Variants in CLCA4 observed in about 807,000 individuals in gnomAD.
The protein encoded by CLCA4 is chloride channel accessory 4, also known as calcium-activated chloride channel regulator 4.
In CLCA4, 69 loss-of-function variants were observed where a neutral mutation model predicts 78.9. That is an observed-to-expected ratio of 0.87 (90% confidence interval 0.72 to 1.07). The LOEUF is 1.07. Ranked by LOEUF, CLCA4 falls within the 50% of genes least tolerant of loss-of-function variation. The pLI, the probability that CLCA4 is intolerant of heterozygous loss-of-function variation, is 0.00. For missense variants in CLCA4, 1,133 were observed against 1,095.8 expected (o/e 1.03, Z -0.48); for synonymous variants, 362 against 375.8 (o/e 0.96, Z 0.42).
In CLCA4 at chr1:86,559,978, A is replaced by G. The variant is rs1346520810; in HGVS notation, c.206A>G (p.Lys69Arg). 1 of 1,609,008 alleles carries G rather than the reference A, an allele frequency of 6.2e-7. No individual in the cohort carries two copies. Among genetic ancestry groups the G allele is most frequent in the Non-Finnish European group, 8.5e-7 (1 of 1,178,096 alleles). The stretch of plus-strand genomic sequence containing the variant: ...ACGTACCTGTTTGAAGCCACAGAAA[A>G]AAGATTTTTTTTCAAAAATGTATCT... ...ASTYLFEATE[K>R]RFFFKNVSIL... The change falls in exon 2 of 14, where the codon AAA becomes AGA. Residue 69 changes from lysine to arginine, a missense_variant. Coordinates refer to ENST00000370563, the MANE Select transcript of CLCA4 (RefSeq NM_012128.4).
intron 1 of CLCA4, 130 bp downstream of exon 1, chr1:86,547,408 A>T: frequency 1.5e-6 from 1 of 652,764 alleles, no homozygotes; most frequent in Non-Finnish European, 2.4e-6. Flanking sequence ...TGTAAAGATC[A>T]AATCAGGGTA....
intron 1 of CLCA4, among the ~76,000 whole-genome samples, chr1:86,558,961 T>C (rs1212161429): frequency 2.6e-5 from 4 of 152,128 alleles, no homozygotes; most frequent in Admixed American, 6.5e-5. Flanking sequence ...CTTTCCTCTC[T>C]AGCTGCCTTT....
Position 86,567,517 on chromosome 1 carries a change from G to C in CLCA4, c.1048G>C (p.Asp350His). ...ATCCTGGGTGGGGATGGTTCACTTT[G>C]ATAGTACTGCCACTATTGTAAATAA... ...NGSWVGMVHF[D>H]STATIVNKLI... Residue 350 changes from aspartate (D) to histidine (H), a missense_variant, in exon 7 of 14, where the codon GAT becomes CAT. Transcript: ENST00000370563. The C allele has an allele frequency of 6.2e-7, 1 of 1,613,192 alleles. No homozygotes were observed. The highest frequency in any genetic ancestry group is 1.3e-5 in the African/African-American group (1 of 74,978).
Position 86,580,433 on chromosome 1 carries a change from T to C in CLCA4, c.*88T>C. 1 of 1,040,080 alleles carries C rather than the reference T, an allele frequency of 9.6e-7. No homozygotes were observed. The highest frequency in any genetic ancestry group is 2.6e-5 in the East Asian group (1 of 38,308). The allele number at this position is 1,040,080 out of a possible 1,614,324, so 64.4% of individuals were successfully genotyped here. Reference sequence around the variant, plus strand: ...GTAAGTAAAGGATATTTCTGAATCTTAAAATTCATCCCATGTGTGATCATA... The same window carrying C: ...GTAAGTAAAGGATATTTCTGAATCTCAAAATTCATCCCATGTGTGATCATA... On this transcript the variant is annotated 3_prime_UTR_variant, in exon 14 of 14. Coordinates refer to ENST00000370563, the MANE Select transcript of CLCA4 (RefSeq NM_012128.4).
chr1:86,575,404 G>GCAGCAAAT lies in CLCA4; in HGVS notation c.1757_1764dup (p.Ser589GlnfsTer11). ...ATTAACTATTACAGTAACTTCTCGA[G>GCAGCAAAT]CAGCAAATTCTTCTGTGCCTCCAAT... On this transcript the variant is annotated frameshift_variant, in exon 11 of 14. Transcript: ENST00000370563. LOFTEE classifies it high-confidence loss of function. The GCAGCAAAT allele has an allele frequency of 6.2e-7, 1 of 1,613,340 alleles. No individual in the cohort carries two copies. The highest frequency in any genetic ancestry group is 8.5e-7 in the Non-Finnish European group (1 of 1,179,500).
intron 1 of CLCA4, among the ~76,000 whole-genome samples, chr1:86,547,549 T>C (rs913415918): frequency 6.6e-6 from 1 of 152,194 alleles, no homozygotes; most frequent in Non-Finnish European, 1.5e-5. Context: ...TACTATCAAA[T>C]ACTAGAACTT....
At chr1:86,566,750 A>T (rs1307150419) in intron 6 of CLCA4, among the ~76,000 whole-genome samples, 2 of 152,040 alleles carry the variant, frequency 1.3e-5, no homozygotes, top group Non-Finnish European at 2.9e-5. Context: ...AACACAGATC[A>T]GTAGGGTGAT....
rs1046677579 is a variant in CLCA4, at chr1:86,574,645, A to G, written c.1573A>G (p.Ser525Gly). 9.9e-6 allele frequency: 16 copies of G among 1,613,154 alleles called. No individual in the cohort carries two copies. Among genetic ancestry groups the G allele is most frequent in the Non-Finnish European group, 1.4e-5 (16 of 1,179,458 alleles). The change falls in exon 10 of 14, where the codon AGT (serine) becomes GGT (glycine). Residue 525 changes from serine (S) to glycine (G), a missense_variant. Coordinates refer to ENST00000370563, the MANE Select transcript of CLCA4 (RefSeq NM_012128.4). ...CACGTTCTTTCTCATCACATGGAAC[A>G]GTCTGCCTCCCAGTATTTCTCTCTG... Reference protein sequence around the residue: ...KDTFFLITWNSLPPSISLWDP... With the variant: ...KDTFFLITWNGLPPSISLWDP...
Position 86,579,549 on chromosome 1 carries a change from C to A in CLCA4, c.2318C>A (p.Thr773Lys). 1.9e-6 allele frequency: 3 copies of A among 1,611,864 alleles called. No individual in the cohort carries two copies. Among genetic ancestry groups the A allele is most frequent in the Non-Finnish European group, 2.5e-6 (3 of 1,178,758 alleles). ...GTTCATGAGGATAAGATTATTCTTA[C>A]ATGGACAGCACCAGGAGATAATTTT... ...ATVHEDKIIL[T>K]WTAPGDNFDV... The change falls in exon 13 of 14, where the codon ACA (threonine) becomes AAA (lysine). Residue 773 changes from threonine (T) to lysine (K), a missense_variant. By Grantham distance (78) the Thr-to-Lys change is moderately conservative (BLOSUM62 -1). Transcript: ENST00000370563.
intron 8 of CLCA4, 112 bp downstream of exon 8, chr1:86,571,366 C>G (rs1650346895): frequency 9.9e-7 from 1 of 1,011,684 alleles, no homozygotes; most frequent in Non-Finnish European, 1.4e-6. Flanking sequence ...AAGCTGGGGA[C>G]CAGACCCAAT....
intron 1 of CLCA4, among the ~76,000 whole-genome samples, chr1:86,557,683 T>C (rs965564989): frequency 6.6e-6 from 1 of 152,226 alleles, no homozygotes; most frequent in African/African-American, 2.4e-5. Context: ...GAAGAATGTA[T>C]ATTCTGTTGT....
chr1:86,552,927 C>CG (rs1649710044), intron 1 of CLCA4: 1 of 654,974 alleles, frequency 1.5e-6, no homozygotes, highest in Non-Finnish European at 2.8e-6. Flanking sequence ...CCTCCCTCTG[C>CG]GGGTGCCTCG....
intron 7 of CLCA4, among the ~76,000 whole-genome samples, chr1:86,569,139 G>C (rs1171263529): frequency 6.6e-6 from 1 of 151,964 alleles, no homozygotes; most frequent in Non-Finnish European, 1.5e-5. Flanking sequence ...ATAAATACAA[G>C]AATTGCAGAT....
At position 86,580,109 on chromosome 1, in the gene CLCA4, T is replaced by C; in HGVS notation, c.2524T>C (p.Phe842Leu). ...NISEENATHI[F>L]IAIKSIDKSN... is the part of the protein sequence containing the mutation. ...CTCAGAAGAAAATGCAACCCACATATTTATTGCCATTAAAAGTATAGATAA... is the reference window on the plus strand; with the variant it reads ...CTCAGAAGAAAATGCAACCCACATACTTATTGCCATTAAAAGTATAGATAA... The change falls in exon 14 of 14, where the codon TTT becomes CTT. Residue 842 changes from phenylalanine to leucine, a missense_variant. Coordinates refer to ENST00000370563, the MANE Select transcript of CLCA4 (RefSeq NM_012128.4). The C allele has an allele frequency of 6.2e-7, 1 of 1,612,878 alleles. No homozygotes were observed. Among genetic ancestry groups the C allele is most frequent in the South Asian group, 1.1e-5 (1 of 91,006 alleles).
intron 1 of CLCA4, among the ~76,000 whole-genome samples, chr1:86,556,241 T>C (rs1029836966): frequency 2.0e-5 from 3 of 152,168 alleles, no homozygotes; most frequent in Admixed American, 2.0e-4. Flanking sequence ...AATATTAAGT[T>C]GAATAGGAGT....
intron 7 of CLCA4, among the ~76,000 whole-genome samples, chr1:86,570,790 T>C (rs1264945441): frequency 1.3e-5 from 2 of 152,084 alleles, no homozygotes; most frequent in Non-Finnish European, 2.9e-5. Context: ...TTGACCTGAG[T>C]TTCCCAGGTT....
At chr1:86,570,701 T>A (rs1016527014) in intron 7 of CLCA4, among the ~76,000 whole-genome samples, 11 of 152,080 alleles carry the variant, frequency 7.2e-5, no homozygotes, top group Non-Finnish European at 1.0e-4. Context: ...TGAAGGCTTG[T>A]CTGTCAGAAG....
At chr1:86,561,631 C>T (rs1650021533) in intron 3 of CLCA4, among the ~76,000 whole-genome samples, 1 of 152,110 alleles carries the variant, frequency 6.6e-6, no homozygotes, top group Non-Finnish European at 1.5e-5. Flanking sequence ...AATTAATGTC[C>T]TGATTGATAA....
Position 86,580,211 on chromosome 1 carries a change from G to A in CLCA4, c.2626G>A (p.Asp876Asn), listed in dbSNP as rs771617728. The change falls in exon 14 of 14, where the codon GAT (aspartate) becomes AAT (asparagine). Residue 876 changes from aspartate (D) to asparagine (N), a missense_variant. Physicochemically the swap from Asp to Asn is conservative, Grantham distance 23 (BLOSUM62 1). Coordinates refer to ENST00000370563, the MANE Select transcript of CLCA4 (RefSeq NM_012128.4). The stretch of plus-strand genomic sequence containing the variant: ...CCCTCAAGCAAATCCTGATGACATT[G>A]ATCCTACACCTACTCCTACTCCTAC... ...FIPQANPDDI[D>N]PTPTPTPTPT... is the part of the protein sequence containing the mutation. The A allele has an allele frequency of 3.9e-6, 6 of 1,547,004 alleles. No homozygotes were observed. Among genetic ancestry groups the A allele is most frequent in the Non-Finnish European group, 5.2e-6 (6 of 1,152,076 alleles).
Sources: allele counts gnomAD v4.1 joint callset (sites outside exome capture counted in the v4.1 genomes callset), GRCh38; gene constraint gnomAD v4.1.1; transcripts MANE v1.5; gene names NCBI Gene and HGNC (gene_info 2026-07-23, HGNC 2026-07-21).